The following TRAF3 variants were observed in gnomAD, a reference collection of about 807,000 sequenced individuals.
TRAF3 encodes the protein TNF receptor associated factor 3, also known as TNF receptor-associated factor 3.
In TRAF3, 13 loss-of-function variants were observed where a neutral mutation model predicts 62.3. The observed-to-expected ratio is 0.21, with a 90% confidence interval of 0.14 to 0.33. The LOEUF (loss-of-function observed/expected upper bound fraction) is 0.33. TRAF3 is among the 10% of genes least tolerant of loss of function. TRAF3 has a pLI of 1.00. For synonymous variants in TRAF3, 269 were observed against 283.4 expected, an observed-to-expected ratio of 0.95 and a Z score of 0.51; for missense variants, 440 against 741.8, an observed-to-expected ratio of 0.59 and a Z score of 4.73.
chr14:102,790,071 A>T (rs1897714931), intron 1 of TRAF3, among the ~76,000 whole-genome samples: 1 of 151,846 alleles, frequency 6.6e-6, no homozygotes, highest in Admixed American at 6.6e-5. Flanking sequence ...CAAGTGATCC[A>T]CCCACCTCAG....
At chr14:102,853,134 T>A (rs991561010) in intron 2 of TRAF3, among the ~76,000 whole-genome samples, 16 of 152,148 alleles carry the variant, frequency 1.1e-4, no homozygotes, top group Non-Finnish European at 2.2e-4. Context: ...ACTCCTGACC[T>A]CAGACGATCC....
chr14:102,890,555 T>C (rs141562568), intron 8 of TRAF3, among the ~76,000 whole-genome samples: 2 of 152,340 alleles, frequency 1.3e-5, no homozygotes, highest in African/African-American at 4.8e-5. Flanking sequence ...GCAACACTTA[T>C]ATCAACATAT....
intron 4 of TRAF3, among the ~76,000 whole-genome samples, chr14:102,874,825 T>A (rs1338119262): frequency 2.0e-5 from 3 of 152,022 alleles, no homozygotes; most frequent in South Asian, 2.1e-4. Context: ...GCTAATTTTT[T>A]AAAAAAATTT....
intron 9 of TRAF3, among the ~76,000 whole-genome samples, chr14:102,894,722 C>T (rs756120464): frequency 2.0e-5 from 3 of 152,176 alleles, no homozygotes; most frequent in Non-Finnish European, 4.4e-5. Context: ...TAAGCTGCTT[C>T]TGCTCATACT....
At chr14:102,849,781 AT>A in intron 2 of TRAF3, among the ~76,000 whole-genome samples, 1 of 152,338 alleles carries the variant, frequency 6.6e-6, no homozygotes, top group Non-Finnish European at 1.5e-5. Context: ...GTATGCTGAA[AT>A]GTTTGCATGA....
Position 102,870,225 on chromosome 14 carries a change from C to G in TRAF3, c.24C>G (p.Asp8Glu), listed in dbSNP as rs1218851959. 1.2e-6 allele frequency: 2 copies of G among 1,614,118 alleles called. No homozygotes were observed. Among genetic ancestry groups the G allele is most frequent in the East Asian group, 2.2e-5 (1 of 44,872 alleles). ...AAATGGAGTCGAGTAAAAAGATGGA[C>G]TCTCCTGGCGCGCTGCAGACTAACC... MESSKKM[D>E]SPGALQTNPP... Residue 8 changes from aspartate (D) to glutamate (E), a missense_variant, in exon 3 of 12, where the codon GAC (aspartate) becomes GAG (glutamate). Asp to Glu is a conservative substitution (Grantham distance 45). Transcript: ENST00000392745.
chr14:102,897,744 A>AGTT (rs1368141592), intron 10 of TRAF3, among the ~76,000 whole-genome samples: 1 of 152,230 alleles, frequency 6.6e-6, no homozygotes, highest in Non-Finnish European at 1.5e-5. Context: ...GTTCATGAGT[A>AGTT]GTTGCTGTGT....
intron 1 of TRAF3, among the ~76,000 whole-genome samples, chr14:102,781,724 T>C (rs1352343606): frequency 6.6e-6 from 1 of 151,952 alleles, no homozygotes; most frequent in African/African-American, 2.4e-5. Flanking sequence ...CCTCCTGGGT[T>C]CAAATGAGTC....
In TRAF3 at chr14:102,906,658, A is replaced by G. The variant is rs941987075; in HGVS notation, c.*874A>G. The stretch of plus-strand genomic sequence containing the variant: ...GATTTATAATTGTTTTCACCCTAAA[A>G]TAGGGCATCCGTTGAACTTTGGAGT... On this transcript the variant is annotated 3_prime_UTR_variant, in exon 12 of 12. Coordinates refer to ENST00000392745, the MANE Select transcript of TRAF3 (RefSeq NM_145725.3). 6.6e-5 allele frequency: 10 copies of G among 152,224 alleles called. No homozygotes were observed. Among genetic ancestry groups the G allele is most frequent in the African/African-American group, 2.2e-4 (9 of 41,454 alleles). The allele number at this position is 152,224 out of a possible 1,614,324, so 9.4% of individuals were successfully genotyped here. A position where few individuals can be genotyped will look rare whatever the true frequency, so the allele number is the denominator to read the frequency against.
intron 6 of TRAF3, among the ~76,000 whole-genome samples, chr14:102,877,390 G>C: frequency 7.0e-6 from 1 of 142,836 alleles, no homozygotes; most frequent in South Asian, 2.3e-4. Flanking sequence ...TCAATTCATA[G>C]ATAATCCGTT....
chr14:102,866,992 G>A (rs1366442569), intron 2 of TRAF3, among the ~76,000 whole-genome samples: 2 of 152,132 alleles, frequency 1.3e-5, no homozygotes, highest in Non-Finnish European at 2.9e-5. Context: ...ATCAGGATAA[G>A]GGGCATAAAG....
chr14:102,835,569 G>T (rs1403338763), intron 2 of TRAF3, among the ~76,000 whole-genome samples: 2 of 152,214 alleles, frequency 1.3e-5, no homozygotes, highest in Admixed American at 1.3e-4. Flanking sequence ...CGATGTAACT[G>T]TAAGAAAGAA....
chr14:102,903,231 T>G lies in TRAF3; in HGVS notation c.961-24T>G, dbSNP rs781781749. ...TTTCCGAGTCCTAACTGTGTTTTGC[T>G]TTTTAACACCTTTGGTTTGGAAGCG... On this transcript the variant is annotated intron_variant, in intron 10 of 11. Transcript: ENST00000392745. The surrounding 1 kb of genome is among the most constrained non-coding windows in gnomAD (Gnocchi z 6.4). 5 of 1,614,178 alleles carry G rather than the reference T, an allele frequency of 3.1e-6. No homozygotes were observed. The Admixed American group carries it at 8.3e-5, about 27-fold the overall frequency.
At chr14:102,835,734 C>G (rs1190896320) in intron 2 of TRAF3, among the ~76,000 whole-genome samples, 1 of 152,144 alleles carries the variant, frequency 6.6e-6, no homozygotes, top group African/African-American at 2.4e-5. Flanking sequence ...AAGGGAACAA[C>G]CGACAGTAGG....
intron 2 of TRAF3, among the ~76,000 whole-genome samples, chr14:102,835,538 G>C (rs763765529): frequency 6.6e-6 from 1 of 152,208 alleles, no homozygotes; most frequent in Admixed American, 6.5e-5. Context: ...AGAAAATTTG[G>C]TACATTTATA....
At chr14:102,842,846 T>TA (rs977373350) in intron 2 of TRAF3, among the ~76,000 whole-genome samples, 1 of 152,168 alleles carries the variant, frequency 6.6e-6, no homozygotes, top group African/African-American at 2.4e-5. Flanking sequence ...AAAAACCTGT[T>TA]AGAGTTCTGT....
chr14:102,820,306 C>T (rs923615412), intron 1 of TRAF3, among the ~76,000 whole-genome samples: 14 of 151,874 alleles, frequency 9.2e-5, no homozygotes, highest in African/African-American at 1.5e-4. Flanking sequence ...AGGAAAGGGC[C>T]GACTCCAGGT....
intron 4 of TRAF3, among the ~76,000 whole-genome samples, chr14:102,872,433 A>G (rs1423820461): frequency 6.6e-6 from 1 of 152,158 alleles, no homozygotes; most frequent in African/African-American, 2.4e-5. Flanking sequence ...CCTGCCCCCC[A>G]GGCCCCCTGT....
rs374769580 is a variant in TRAF3 at position 102,900,257 on chromosome 14, C to T, written c.960+2856C>T. Among the ~76,000 whole-genome samples the T allele has an allele frequency of 1.5e-4, 22 of 149,930 alleles. No individual in the cohort carries two copies. In the East Asian group the frequency reaches 2.6e-3, roughly 17 times the overall value. The stretch of plus-strand genomic sequence containing the variant: ...GTGGCTCACACCCATATTCCCAGCA[C>T]TTTGGAAGGCCGAGGCGGGTGGATC... On this transcript the variant is annotated intron_variant, in intron 10 of 11. Transcript: ENST00000392745.
Sources: gnomAD v4.1 joint callset for allele counts (sites outside exome capture counted in the v4.1 genomes callset) on GRCh38, gnomAD v4.1.1 for gene constraint, Gnocchi (gnomAD v3.1) non-coding constraint, MANE v1.5 for transcripts, NCBI Gene and HGNC (gene_info 2026-07-23, HGNC 2026-07-21) for gene names.